The following ZNF3 variants were observed in gnomAD, a reference collection of about 807,000 sequenced individuals.
ZNF3 encodes C2-H2 type zinc finger protein.
Under a neutral mutation model 36.9 loss-of-function variants are expected in ZNF3, and 16 were observed. That is an observed-to-expected ratio of 0.43 (90% confidence interval 0.29 to 0.66). The LOEUF (loss-of-function observed/expected upper bound fraction) is 0.66. Ranked by LOEUF, ZNF3 falls within the 30% of genes least tolerant of loss-of-function variation. The pLI is 0.13. For missense variants in ZNF3, 462 were observed against 543.1 expected (o/e 0.85, Z 1.48); for synonymous variants, 201 against 201.9 (o/e 1.00, Z 0.04).
At position 100,076,118 on chromosome 7, in the gene ZNF3, G is replaced by A. The variant is rs182336764; in HGVS notation, c.56-488C>T. On this transcript the variant is annotated intron_variant, in intron 3 of 5. Transcript: ENST00000299667. ...CTCCCAAATAGCTGGGATTACAGTC[G>A]TGTGCCACTGCACCCAGCATGAAGT... 4.8e-3 allele frequency among the ~76,000 whole-genome samples: 717 copies of A among 150,040 alleles called. 7 individuals are homozygous for A. Among genetic ancestry groups the A allele is most frequent in the African/African-American group, 0.016 (667 of 41,088 alleles).
chr7:100,073,091 T>C (rs1793477041), intron 5 of ZNF3, among the ~76,000 whole-genome samples: 2 of 152,116 alleles, frequency 1.3e-5, no homozygotes, highest in Non-Finnish European at 2.9e-5. Context: ...AGAGAGATGG[T>C]GGCAGGATTC....
In ZNF3 at chr7:100,081,353, G is replaced by C. The variant is rs542479986; in HGVS notation, c.-198+282C>G. ...CTTTCAAGAGAGAGGCGCCCCTACCGCTCTGCTGAAACTTTTAAACGCTCC... is the reference window on the plus strand; with the variant it reads ...CTTTCAAGAGAGAGGCGCCCCTACCCCTCTGCTGAAACTTTTAAACGCTCC... On this transcript the variant is annotated intron_variant, in intron 1 of 5. Transcript: ENST00000299667. The surrounding 1 kb of genome is among the most constrained non-coding windows in gnomAD (Gnocchi z 4.3). Among the ~76,000 whole-genome samples, 1 of 152,344 alleles carries C rather than the reference G, an allele frequency of 6.6e-6. No individual in the cohort carries two copies. Among genetic ancestry groups the C allele is most frequent in the East Asian group, 1.9e-4 (1 of 5,188 alleles).
intron 2 of ZNF3, 111 bp from the exon 3 acceptor site, chr7:100,077,544 G>T: frequency 1.0e-6 from 1 of 996,878 alleles, no homozygotes; most frequent in South Asian, 2.2e-5. Flanking sequence ...GAAGAAATGT[G>T]GCAACTGGGA....
chr7:100,067,436 A>AT (rs1415510459), downstream of ZNF3, among the ~76,000 whole-genome samples: 6 of 152,100 alleles, frequency 3.9e-5, no homozygotes, highest in Admixed American at 2.6e-4. Context: ...CAAGTATTGG[A>AT]TTTTTTTCTT....
downstream of ZNF3, among the ~76,000 whole-genome samples, chr7:100,069,246 C>T (rs1792804186): frequency 6.6e-6 from 1 of 152,136 alleles, no homozygotes; most frequent in Admixed American, 6.6e-5. Context: ...GCATGAGCCA[C>T]TGTACCTAGC....
intron 1 of ZNF3, among the ~76,000 whole-genome samples, chr7:100,080,745 G>T (rs1274091311): frequency 1.3e-5 from 2 of 152,126 alleles, no homozygotes; most frequent in Admixed American, 1.3e-4. Context: ...CCGGGAGGCG[G>T]AGGTTGCAGT....
chr7:100,081,458 G>A lies in ZNF3; in HGVS notation c.-198+177C>T, dbSNP rs1794983347. Reference sequence around the variant, plus strand: ...CTACGCAGGATCCCGCTAGGCTAGGGGGATCCCTGGGGAAGCGGAGTAGAG... The same window carrying A: ...CTACGCAGGATCCCGCTAGGCTAGGAGGATCCCTGGGGAAGCGGAGTAGAG... On this transcript the variant is annotated intron_variant, in intron 1 of 5. Coordinates refer to ENST00000299667, the MANE Select transcript of ZNF3 (RefSeq NM_032924.5). This position sits in a 1 kb window ranked among gnomAD's most constrained non-coding sequence, Gnocchi z 4.3. Among the ~76,000 whole-genome samples the A allele has an allele frequency of 6.6e-6, 1 of 152,214 alleles. No homozygotes were observed. Among genetic ancestry groups the A allele is most frequent in the Non-Finnish European group, 1.5e-5 (1 of 68,026 alleles).
At chr7:100,072,622 A>G (rs1482742458) in intron 5 of ZNF3, among the ~76,000 whole-genome samples, 2 of 152,136 alleles carry the variant, frequency 1.3e-5, no homozygotes, top group Non-Finnish European at 2.9e-5. Context: ...TGGTGAGAAA[A>G]GGGGGGAAGG....
chr7:100,064,584 G>A (rs1415390919), exon 6 of ZNF3: 2 of 1,614,194 alleles, frequency 1.2e-6, no homozygotes, highest in South Asian at 2.2e-5. Context: ...CCAAACATCA[G>A]CGAGTCCACA....
rs1562863938 is a variant in ZNF3 at position 100,071,816 on chromosome 7, G to C, written c.668C>G (p.Thr223Ser). 2.5e-6 allele frequency: 4 copies of C among 1,613,888 alleles called. 1 individual carries two copies. The highest frequency in any genetic ancestry group is 3.4e-6 in the Non-Finnish European group (4 of 1,179,818). Reference sequence around the variant, plus strand: ...ATTACATTCATAGGGCTTTTCCCCAGTGTGGATTCTCTGATGTTGAATAAG... The same window carrying C: ...ATTACATTCATAGGGCTTTTCCCCACTGTGGATTCTCTGATGTTGAATAAG... ...SDLIQHQRIH[T>S]GEKPYECNEC... Residue 223 changes from threonine to serine, a missense_variant, in exon 6 of 6, where the codon ACT becomes AGT. Thr to Ser is a moderately conservative substitution (Grantham distance 58, BLOSUM62 1). Transcript: ENST00000299667.
upstream of ZNF3, among the ~76,000 whole-genome samples, chr7:100,082,137 C>T (rs564034691): frequency 6.6e-6 from 1 of 152,224 alleles, no homozygotes; most frequent in African/African-American, 2.4e-5. Context: ...AAAATGAACC[C>T]TGATTTAAAA....
At position 100,075,318 on chromosome 7, in the gene ZNF3, C is replaced by CA. The variant is rs143321364; in HGVS notation, c.145-58dup. On this transcript the variant is annotated intron_variant, in intron 4 of 5. Transcript: ENST00000299667. ...GGGTGAGGAATGTGAATGGCGGCAC[C>CA]AAAAAAATCACTGAGGATGGGGTGA... 8,662 of 1,612,828 alleles carry CA rather than the reference C, an allele frequency of 5.4e-3. 429 individuals carry two copies. The African/African-American group carries it at 0.1, about 19-fold the overall frequency.
In ZNF3 at chr7:100,071,246, C is replaced by T. The variant is rs1409993961; in HGVS notation, c.1238G>A (p.Arg413His). Residue 413 changes from arginine (R) to histidine (H), a missense_variant, in exon 6 of 6, where the codon CGC (arginine) becomes CAC (histidine). Arg to His is a conservative substitution (Grantham distance 29, BLOSUM62 0). Transcript: ENST00000299667. ...KAFRYSSALV[R>H]HQRIHTGEKP... is the part of the protein sequence containing the mutation. ...CTCTCCAGTGTGAATTCTCTGATGG[C>T]GAACAAGAGCCGAGCTGTACCTGAA... The T allele has an allele frequency of 1.9e-6, 3 of 1,614,010 alleles. No homozygotes were observed. Among genetic ancestry groups the T allele is most frequent in the East Asian group, 2.2e-5 (1 of 44,900 alleles).
chr7:100,067,881 T>C (rs905939490), downstream of ZNF3, among the ~76,000 whole-genome samples: 1 of 152,166 alleles, frequency 6.6e-6, no homozygotes, highest in African/African-American at 2.4e-5. Flanking sequence ...GCTGGTTAGA[T>C]GGAGGAGGAT....
chr7:100,075,918 C>T (rs1004846585), intron 3 of ZNF3, among the ~76,000 whole-genome samples: 2 of 152,174 alleles, frequency 1.3e-5, no homozygotes, highest in Admixed American at 6.5e-5. Context: ...TCAATGAAAC[C>T]GCCCAGTCCT....
downstream of ZNF3, chr7:100,065,112 T>G: frequency 1.2e-6 from 1 of 841,326 alleles, no homozygotes; most frequent in East Asian, 3.0e-5. Context: ...AAACTATTCC[T>G]ACTGGTTTAG....
chr7:100,069,195 A>AGATTCTACT (rs1792801955), downstream of ZNF3, among the ~76,000 whole-genome samples: 1 of 151,618 alleles, frequency 6.6e-6, no homozygotes, highest in Admixed American at 6.6e-5. Flanking sequence ...TGGTCTGAAG[A>AGATTCTACT]GATTCTACTG....
At chr7:100,077,471 A>G in intron 2 of ZNF3, 38 bp from the exon 3 acceptor site, 8 of 1,568,256 alleles carry the variant, frequency 5.1e-6, no homozygotes, top group South Asian at 2.3e-5. Flanking sequence ...AGATAATTCA[A>G]AAAAACCTCC....
chr7:100,064,449 T>A (rs1792526357), exon 6 of ZNF3: 2 of 1,613,660 alleles, frequency 1.2e-6, no homozygotes, highest in Non-Finnish European at 1.7e-6. Flanking sequence ...CATATAAGTG[T>A]AAGGAGTGTG....
Sources: allele counts gnomAD v4.1 joint callset (sites outside exome capture counted in the v4.1 genomes callset), GRCh38; gene constraint gnomAD v4.1.1; non-coding constraint Gnocchi (gnomAD v3.1); transcripts MANE v1.5; gene names NCBI Gene and HGNC (gene_info 2026-07-23, HGNC 2026-07-21).